Variants in MUC5AC observed in about 807,000 individuals in gnomAD.
The protein encoded by MUC5AC is mucin 5AC, oligomeric mucus/gel-forming.
In MUC5AC, 158 loss-of-function variants were observed where a neutral mutation model predicts 169.7. That is an observed-to-expected ratio of 0.93 (90% CI 0.82 to 1.06). The LOEUF (loss-of-function observed/expected upper bound fraction) is 1.06, where lower values mean the gene tolerates loss of function less well. Among genes scored for constraint, MUC5AC ranks in the 50% least tolerant of loss-of-function variants. The pLI is 0.00. For synonymous variants in MUC5AC, 1,975 were observed against 1,237.0 expected (o/e 1.60, Z -12.52); for missense variants, 4,359 against 3,089.9 (o/e 1.41, Z -9.74).
chr11:1,167,263 T>C (rs932404249), intron 11 of MUC5AC, among the ~76,000 whole-genome samples: 30 of 144,204 alleles, frequency 2.1e-4, no homozygotes, highest in Admixed American at 1.4e-4. Flanking sequence ...CTCTCCCAGA[T>C]GAGACTCTGC....
chr11:1,198,832 G>A (rs1339024896), intron 43 of MUC5AC, 42 bp from the exon 44 acceptor site: 3 of 697,994 alleles, frequency 4.3e-6, no homozygotes, highest in Non-Finnish European at 7.8e-6. Context: ...GGTCTCCCCA[G>A]GGCCCAAGCT....
In MUC5AC at chr11:1,162,483, G is replaced by A. The variant is rs780721210; in HGVS notation, c.474-49G>A. 5 of 1,536,350 alleles carry A rather than the reference G, an allele frequency of 3.3e-6. No individual in the cohort carries two copies. In the South Asian group the frequency reaches 5.7e-5, roughly 17 times the overall value. On this transcript the variant is annotated intron_variant, in intron 4 of 48. Transcript: ENST00000621226. Reference sequence around the variant, plus strand: ...ACCGCAGGCATCTGCCCTGCCTGGGGTCTCTCCTCACTGCGCTCCCAGCCC... The same window carrying A: ...ACCGCAGGCATCTGCCCTGCCTGGGATCTCTCCTCACTGCGCTCCCAGCCC...
intron 5 of MUC5AC, 103 bp from the exon 6 acceptor site, chr11:1,162,852 C>G (rs546704807): frequency 3.3e-6 from 4 of 1,225,264 alleles, no homozygotes; most frequent in Non-Finnish European, 4.8e-6. Flanking sequence ...TCGGGGGTGT[C>G]TCTTCCGTGG....
chr11:1,186,556 C>A lies in MUC5AC; in HGVS notation c.8411C>A (p.Thr2804Lys), dbSNP rs1860951844. ...TSTTSTTITS[T>K]TSAPISSTTS... is the part of the protein sequence containing the mutation. ...ACAACCTCTACTACTATAACCAGCACAACTTCTGCCCCTATAAGCAGCACA... is the reference window on the plus strand; with the variant it reads ...ACAACCTCTACTACTATAACCAGCAAAACTTCTGCCCCTATAAGCAGCACA... The change falls in exon 31 of 49, where the codon ACA (threonine) becomes AAA (lysine). Residue 2804 changes from threonine to lysine, a missense_variant. Coordinates refer to ENST00000621226, the MANE Select transcript of MUC5AC (RefSeq NM_001304359.2). 6 of 702,552 alleles carry A rather than the reference C, an allele frequency of 8.5e-6. No homozygotes were observed. The highest frequency in any genetic ancestry group is 7.0e-5 in the African/African-American group (4 of 57,192). 43.5% of individuals were successfully genotyped at this position (702,552 alleles called of 1,614,324 possible).
At chr11:1,172,355 A>G in intron 15 of MUC5AC, 74 bp from the exon 16 acceptor site, 1 of 398,652 alleles carries the variant, frequency 2.5e-6, no homozygotes, top group East Asian at 3.6e-5. Flanking sequence ...CAAACCCCAC[A>G]CCAGAGGCCA....
In MUC5AC at chr11:1,178,875, C is replaced by T. The variant is rs1471548201; in HGVS notation, c.3327+192C>T. Among the ~76,000 whole-genome samples, 21 of 152,278 alleles carry T rather than the reference C, an allele frequency of 1.4e-4. No homozygotes were observed. The South Asian group carries it at 2.5e-3, about 18-fold the overall frequency. On this transcript the variant is annotated intron_variant, in intron 25 of 48. Transcript: ENST00000621226. The stretch of plus-strand genomic sequence containing the variant: ...CTCTGACACCTGTCAGCTATGGTTT[C>T]GGGGCCCTGGGGGGTGTTAACCCCA...
intron 43 of MUC5AC, among the ~76,000 whole-genome samples, 163 bp downstream of exon 43, chr11:1,198,468 C>T (rs915367126): frequency 1.3e-5 from 2 of 151,562 alleles, no homozygotes; most frequent in Non-Finnish European, 2.9e-5. Context: ...GGCCCGAGGT[C>T]GGCCCCAGGT....
chr11:1,165,256 C>T lies in MUC5AC; in HGVS notation c.1130-46C>T, dbSNP rs377455751. 4.5e-4 allele frequency: 694 copies of T among 1,537,558 alleles called. 3 individuals carry two copies. The African/African-American group carries it at 8.5e-3, about 19-fold the overall frequency. On this transcript the variant is annotated intron_variant, in intron 9 of 48. Transcript: ENST00000621226. Reference sequence around the variant, plus strand: ...TGTTGTTCCCCTGCAACGCCCACTGCGTGGACACAGCAGGCGCCCGTCATA... The same window carrying T: ...TGTTGTTCCCCTGCAACGCCCACTGTGTGGACACAGCAGGCGCCCGTCATA...
At chr11:1,171,663 AC>A (rs1422753977) in intron 15 of MUC5AC, among the ~76,000 whole-genome samples, 6 of 135,422 alleles carry the variant, frequency 4.4e-5, no homozygotes, top group African/African-American at 1.7e-4. Flanking sequence ...TCACCCATTC[AC>A]CCACTCACCC....
intron 4 of MUC5AC, 142 bp downstream of exon 4, chr11:1,162,310 C>T (rs530904216): frequency 1.6e-5 from 21 of 1,354,024 alleles, no homozygotes; most frequent in South Asian, 3.0e-5. Context: ...GGCCCTCCCT[C>T]GTCCCCCGAG....
Position 1,178,627 on chromosome 11 carries a change from G to T in MUC5AC, c.3271G>T (p.Ala1091Ser). 2.1e-6 allele frequency: 3 copies of T among 1,401,182 alleles called. No individual in the cohort carries two copies. Among genetic ancestry groups the T allele is most frequent in the South Asian group, 1.8e-5 (1 of 56,284 alleles). The allele number at this position is 1,401,182 out of a possible 1,614,324, so 86.8% of individuals were successfully genotyped here. A position where few individuals can be genotyped will look rare whatever the true frequency, so the allele number is the denominator to read the frequency against. Residue 1091 changes from alanine (A) to serine (S), a missense_variant, in exon 25 of 49, where the codon GCC becomes TCC. By Grantham distance (99) the Ala-to-Ser change is moderately conservative. Transcript: ENST00000621226. ...GGCCAACCCCTTCCGCAAGTCCTGGGCCCAGAAGCAGTGCAGCATCCTCCA... is the reference window on the plus strand; with the variant it reads ...GGCCAACCCCTTCCGCAAGTCCTGGTCCCAGAAGCAGTGCAGCATCCTCCA... ...CTANPFRKSW[A>S]QKQCSILHGP...
At chr11:1,171,822 AC>A in intron 15 of MUC5AC, among the ~76,000 whole-genome samples, 2 of 125,030 alleles carry the variant, frequency 1.6e-5, no homozygotes, top group East Asian at 2.5e-4. Flanking sequence ...TCACTCACCC[AC>A]TCACCCACTC....
chr11:1,175,318 A>C (rs972674891), intron 19 of MUC5AC, 48 bp downstream of exon 19: 1 of 398,454 alleles, frequency 2.5e-6, no homozygotes, highest in South Asian at 1.3e-4. Flanking sequence ...CCTCATCTCT[A>C]TAAGAAATCC....
chr11:1,165,591 G>C, intron 10 of MUC5AC, 31 bp from the exon 11 acceptor site: 1 of 1,609,396 alleles, frequency 6.2e-7, no homozygotes. Context: ...CCTGGGGCCG[G>C]CACCCACGTG....
Position 1,164,105 on chromosome 11 carries a change from G to C in MUC5AC, c.790-1G>C. The C allele has an allele frequency of 6.2e-7, 1 of 1,612,042 alleles. No homozygotes were observed. Among genetic ancestry groups the C allele is most frequent in the Middle Eastern group, 1.6e-4 (1 of 6,062 alleles). ...CAGACGGGCTGTGGCCTTTGTCCTAGGGCATCTGTGAGGAGCTCCTGCACG... is the reference window on the plus strand; with the variant it reads ...CAGACGGGCTGTGGCCTTTGTCCTACGGCATCTGTGAGGAGCTCCTGCACG... On this transcript the variant is annotated splice_acceptor_variant, in intron 7 of 48. Coordinates refer to ENST00000621226, the MANE Select transcript of MUC5AC (RefSeq NM_001304359.2). LOFTEE classifies it high-confidence loss of function.
intron 32 of MUC5AC, 36 bp from the exon 33 acceptor site, chr11:1,193,448 GA>G (rs770786870): frequency 1.5e-6 from 1 of 689,128 alleles, no homozygotes; most frequent in Admixed American, 2.0e-5. Context: ...CGGAGATCGG[GA>G]GAGGCCGGAC....
At chr11:1,176,700 A>C (rs2133745020) in intron 21 of MUC5AC, 35 bp downstream of exon 21, 2 of 398,610 alleles carry the variant, frequency 5.0e-6, no homozygotes, top group East Asian at 7.1e-5. Flanking sequence ...GGGGGGTGTC[A>C]GGCCCAGGAA....
At position 1,188,988 on chromosome 11, in the gene MUC5AC, G is replaced by A. The variant is rs1861018929; in HGVS notation, c.10843G>A (p.Val3615Met). The part of the protein sequence containing the change: ...FKMCLNYEVR[V>M]LCCETPKGCP... ...GATGTGCCTCAACTACGAGGTGCGT[G>A]TGCTTTGCTGCGAGACCCCCAAAGG... Residue 3615 changes from valine to methionine, a missense_variant, in exon 31 of 49, where the codon GTG (valine) becomes ATG (methionine). Val to Met is a conservative substitution (Grantham distance 21). Transcript: ENST00000621226. The A allele has an allele frequency of 4.4e-6, 3 of 684,700 alleles. No homozygotes were observed. In the Admixed American group the frequency reaches 6.3e-5, roughly 14 times the overall value. 42.4% of individuals were successfully genotyped at this position (684,700 alleles called of 1,614,324 possible). A position where few individuals can be genotyped will look rare whatever the true frequency, so the allele number is the denominator to read the frequency against.
Position 1,182,437 on chromosome 11 carries a change from C to A in MUC5AC, c.4292C>A (p.Ala1431Asp), listed in dbSNP as rs898971113. Residue 1431 changes from alanine (A) to aspartate (D), a missense_variant, in exon 31 of 49, where the codon GCT becomes GAT. Physicochemically the swap from Ala to Asp is moderately radical, Grantham distance 126 (BLOSUM62 -2). Coordinates refer to ENST00000621226, the MANE Select transcript of MUC5AC (RefSeq NM_001304359.2). ...CESPRSVECR[A>D]EDAPGVPLRA... ...TCACCCAGGTCGGTGGAGTGCCGAG[C>A]TGAGGACGCCCCCGGAGTGCCGCTC... The A allele has an allele frequency of 8.8e-5, 35 of 398,692 alleles. No homozygotes were observed. The highest frequency in any genetic ancestry group is 6.8e-4 in the African/African-American group (33 of 48,756). 24.7% of individuals were successfully genotyped at this position (398,692 alleles called of 1,614,324 possible).
Sources: gnomAD v4.1 joint callset for allele counts (sites outside exome capture counted in the v4.1 genomes callset) on GRCh38, gnomAD v4.1.1 for gene constraint, MANE v1.5 for transcripts, NCBI Gene and HGNC (gene_info 2026-07-23, HGNC 2026-07-21) for gene names.